The following TXNRD1 variants were observed in gnomAD, a reference collection of about 807,000 sequenced individuals.
TXNRD1 encodes the protein thioredoxin reductase 1.
In TXNRD1, 57 loss-of-function variants were observed where a neutral mutation model predicts 80.3. That is an observed-to-expected ratio of 0.71 (90% CI 0.57 to 0.89). The LOEUF (loss-of-function observed/expected upper bound fraction) is 0.89. Among genes scored for constraint, TXNRD1 ranks in the 40% least tolerant of loss-of-function variants. The pLI is 0.00. For synonymous variants in TXNRD1, 291 were observed against 285.2 expected, an observed-to-expected ratio of 1.02 and a Z score of -0.20; for missense variants, 730 against 803.0, an observed-to-expected ratio of 0.91 and a Z score of 1.10.
At chr12:104,219,156 A>G (rs111867086) in intron 1 of TXNRD1, among the ~76,000 whole-genome samples, 2,475 of 151,852 alleles carry the variant, frequency 0.016, 42 homozygotes, top group South Asian at 0.073. Context: ...CAACAGCCCC[A>G]TCTGATCTCG....
intron 1 of TXNRD1, among the ~76,000 whole-genome samples, chr12:104,218,967 TGGG>T (rs2032284629): frequency 6.6e-6 from 1 of 152,042 alleles, no homozygotes; most frequent in Non-Finnish European, 1.5e-5. Context: ...TTTCTAGAGA[TGGG>T]TCTCACTCTG....
rs988091823 is a variant in TXNRD1 at position 104,320,978 on chromosome 12, A to G, written c.990-113A>G. On this transcript the variant is annotated intron_variant, in intron 9 of 16. Transcript: ENST00000525566. Reference sequence around the variant, plus strand: ...TATGTGTGTAGCTAGTAGAATGTTTATCATCTTGAAAGTATGTTCTTGTCA... The same window carrying G: ...TATGTGTGTAGCTAGTAGAATGTTTGTCATCTTGAAAGTATGTTCTTGTCA... 4.0e-5 allele frequency: 30 copies of G among 758,046 alleles called. 1 individual carries two copies. The highest frequency in any genetic ancestry group is 5.4e-4 in the Middle Eastern group (2 of 3,670). 47.0% of individuals were successfully genotyped at this position (758,046 alleles called of 1,614,324 possible).
intron 3 of TXNRD1, among the ~76,000 whole-genome samples, chr12:104,263,824 G>A (rs1421448911): frequency 1.3e-5 from 2 of 152,166 alleles, no homozygotes; most frequent in African/African-American, 4.8e-5. Context: ...CAGCAAGAGG[G>A]AGAGGAACTA....
At chr12:104,228,588 A>G (rs1475426905) in intron 1 of TXNRD1, among the ~76,000 whole-genome samples, 3 of 152,158 alleles carry the variant, frequency 2.0e-5, no homozygotes, top group African/African-American at 7.2e-5. Flanking sequence ...CCAAGATTGC[A>G]CCATTGCATT....
rs564589307 is a variant in TXNRD1 at position 104,339,517 on chromosome 12, A to G, written c.1881+244A>G. 48 of 635,398 alleles carry G rather than the reference A, an allele frequency of 7.6e-5. 1 individual carries two copies. In the Admixed American group the frequency reaches 8.1e-4, roughly 11 times the overall value. The allele number at this position is 635,398 out of a possible 1,614,324, so 39.4% of individuals were successfully genotyped here. Reference sequence around the variant, plus strand: ...AGTGATTTATAGAGCTGTGCCTTAAATATTTTATTTATCATATCTTCTAAA... The same window carrying G: ...AGTGATTTATAGAGCTGTGCCTTAAGTATTTTATTTATCATATCTTCTAAA... On this transcript the variant is annotated intron_variant, in intron 16 of 16. Coordinates refer to ENST00000525566, the MANE Select transcript of TXNRD1 (RefSeq NM_001093771.3).
At chr12:104,255,307 C>G (rs2033224729) in intron 2 of TXNRD1, among the ~76,000 whole-genome samples, 1 of 151,680 alleles carries the variant, frequency 6.6e-6, no homozygotes, top group African/African-American at 2.4e-5. Context: ...TTTTTAGTCC[C>G]TATTATGCCC....
chr12:104,218,108 A>C (rs1328514245), intron 1 of TXNRD1, among the ~76,000 whole-genome samples: 1 of 151,596 alleles, frequency 6.6e-6, no homozygotes, highest in African/African-American at 2.4e-5. Context: ...GCTCACCACA[A>C]TCTCCGCCTC....
chr12:104,327,033 C>T (rs1174131426), intron 12 of TXNRD1, among the ~76,000 whole-genome samples: 1 of 151,664 alleles, frequency 6.6e-6, no homozygotes, highest in Non-Finnish European at 1.5e-5. Flanking sequence ...ATCTTTTGGC[C>T]TCTAGTGATC....
chr12:104,334,062 A>G (rs2036050570), intron 14 of TXNRD1, 175 bp from the exon 15 acceptor site: 1 of 369,828 alleles, frequency 2.7e-6, no homozygotes, highest in Non-Finnish European at 4.8e-6. Context: ...AAAGTGCCTG[A>G]CAGCAAGGAG....
intron 1 of TXNRD1, among the ~76,000 whole-genome samples, chr12:104,249,752 G>A (rs2033073170): frequency 6.6e-6 from 1 of 151,838 alleles, no homozygotes. Flanking sequence ...TGGCTAACAT[G>A]GTGAAACCCC....
At chr12:104,315,928 T>C (rs1198887371) in intron 7 of TXNRD1, 32 bp downstream of exon 7, 1 of 1,591,758 alleles carries the variant, frequency 6.3e-7, no homozygotes, top group East Asian at 2.3e-5. Flanking sequence ...CTTCTGTTTG[T>C]GCTTTTGGGG....
At position 104,327,605 on chromosome 12, in the gene TXNRD1, C is replaced by T; in HGVS notation, c.1476C>T (p.Leu492=). The part of the protein sequence containing the change: ...IGDILEDKVE[L]TPVAIQAGRL... ...ATATATTGGAGGATAAGGTGGAGCTCACCCCAGTTGCAATCCAGGCAGGAA... is the reference window on the plus strand; with the variant it reads ...ATATATTGGAGGATAAGGTGGAGCTTACCCCAGTTGCAATCCAGGCAGGAA... The change falls in exon 13 of 17, where the codon CTC becomes CTT. Residue 492 remains leucine, a synonymous_variant. Coordinates refer to ENST00000525566, the MANE Select transcript of TXNRD1 (RefSeq NM_001093771.3). 2 of 1,613,554 alleles carry T rather than the reference C, an allele frequency of 1.2e-6. No individual in the cohort carries two copies. The highest frequency in any genetic ancestry group is 2.2e-5 in the South Asian group (2 of 91,026).
In TXNRD1 at chr12:104,287,021, C is replaced by CA. The variant is rs2033990035; in HGVS notation, c.305-1909dup. The CA allele has an allele frequency of 3.7e-6, 5 of 1,363,690 alleles. No individual in the cohort carries two copies. The African/African-American group carries it at 5.9e-5, about 16-fold the overall frequency. 84.5% of individuals were successfully genotyped at this position (1,363,690 alleles called of 1,614,324 possible). A position where few individuals can be genotyped will look rare whatever the true frequency, so the allele number is the denominator to read the frequency against. ...TTAGGAAACAGCAACCCTTTCACCT[C>CA]AGTTTTCTTCACTCCGGCATTTGCA... On this transcript the variant is annotated intron_variant, in intron 3 of 16. Transcript: ENST00000525566.
At chr12:104,235,022 T>C (rs1565855711) in intron 1 of TXNRD1, among the ~76,000 whole-genome samples, 1 of 152,048 alleles carries the variant, frequency 6.6e-6, no homozygotes, top group Non-Finnish European at 1.5e-5. Flanking sequence ...TGGCTTAGAG[T>C]TGAGCTGGGG....
intron 3 of TXNRD1, among the ~76,000 whole-genome samples, chr12:104,274,721 AAAAAAT>A (rs1316672621): frequency 7.1e-5 from 10 of 140,140 alleles, no homozygotes; most frequent in African/African-American, 2.7e-4. Context: ...TTAATAATAA[AAAAAAT>A]AATAATAATA....
At chr12:104,264,516 G>A (rs551284030) in intron 3 of TXNRD1, among the ~76,000 whole-genome samples, 3 of 152,216 alleles carry the variant, frequency 2.0e-5, no homozygotes, top group African/African-American at 7.2e-5. Context: ...CTATAAAAAT[G>A]TTAATTTTTT....
chr12:104,300,141 C>T (rs2034572542), intron 4 of TXNRD1, among the ~76,000 whole-genome samples: 1 of 152,170 alleles, frequency 6.6e-6, no homozygotes, highest in South Asian at 2.1e-4. Context: ...CCTTTGTCAT[C>T]CACCCTATCA....
intron 14 of TXNRD1, among the ~76,000 whole-genome samples, chr12:104,332,488 G>T (rs1197002637): frequency 6.6e-6 from 1 of 151,984 alleles, no homozygotes; most frequent in Non-Finnish European, 1.5e-5. Flanking sequence ...GGTGGCTCAT[G>T]CCTGTAATCT....
chr12:104,290,656 G>A (rs1265326975), intron 4 of TXNRD1, among the ~76,000 whole-genome samples: 3 of 140,416 alleles, frequency 2.1e-5, no homozygotes, highest in Admixed American at 7.4e-5. Context: ...CTGAGATTGC[G>A]CCACTGCACC....
Sources: allele counts gnomAD v4.1 joint callset (sites outside exome capture counted in the v4.1 genomes callset), GRCh38; gene constraint gnomAD v4.1.1; transcripts MANE v1.5; gene names NCBI Gene and HGNC (gene_info 2026-07-23, HGNC 2026-07-21).